The following EFNA3 variants were observed in gnomAD, a reference collection of about 807,000 sequenced individuals.
The protein encoded by EFNA3 is ephrin A3.
In EFNA3, 15 loss-of-function variants were observed where a neutral mutation model predicts 25.0. The observed-to-expected ratio is 0.60, with a 90% confidence interval of 0.40 to 0.92. EFNA3 has a LOEUF of 0.92. Among genes scored for constraint, EFNA3 ranks in the 40% least tolerant of loss-of-function variants. EFNA3 has a pLI of 0.00. For synonymous variants in EFNA3, 153 were observed against 145.6 expected, an observed-to-expected ratio of 1.05 and a Z score of -0.37; for missense variants, 298 against 323.8, an observed-to-expected ratio of 0.92 and a Z score of 0.61.
At position 155,086,551 on chromosome 1, in the gene EFNA3, C is replaced by T; in HGVS notation, c.*8C>T. 3 of 1,604,624 alleles carry T rather than the reference C, an allele frequency of 1.9e-6. No homozygotes were observed. Among genetic ancestry groups the T allele is most frequent in the South Asian group, 2.2e-5 (2 of 90,990 alleles). ...ACGTTCTTGGCCTCCTAGCTCTGCCCCCTCCCCTGGGGGGGGAGAGATGGG... is the reference window on the plus strand; with the variant it reads ...ACGTTCTTGGCCTCCTAGCTCTGCCTCCTCCCCTGGGGGGGGAGAGATGGG... On this transcript the variant is annotated 3_prime_UTR_variant, in exon 5 of 5. Coordinates refer to ENST00000368408, the MANE Select transcript of EFNA3 (RefSeq NM_004952.5).
In EFNA3 at chr1:155,079,990, G is replaced by T. The variant is rs2102450794; in HGVS notation, c.128+921G>T. On this transcript the variant is annotated intron_variant, in intron 1 of 4. Coordinates refer to ENST00000368408, the MANE Select transcript of EFNA3 (RefSeq NM_004952.5). The surrounding 1 kb of genome is among the most constrained non-coding windows in gnomAD (Gnocchi z 7.7). ...CCCGGGGTGTGTGGCGCGGTGGCCG[G>T]GTGCTGGCTGCGGGGCCGGGTCCTC... 6.6e-6 allele frequency among the ~76,000 whole-genome samples: 1 copy of T among 152,130 alleles called. No individual in the cohort carries two copies. Among genetic ancestry groups the T allele is most frequent in the African/African-American group, 2.4e-5 (1 of 41,486 alleles).
intron 3 of EFNA3, 25 bp from the exon 4 acceptor site, chr1:155,086,103 T>TCCCCACCCCCCCCCCCCCCCCC: frequency 6.3e-7 from 1 of 1,577,736 alleles, no homozygotes; most frequent in Non-Finnish European, 8.7e-7. Context: ...CCCTCCTCTC[T>TCCCCACCCCCCCCCCCCCCCCC]CCCCACCCGC....
At position 155,086,261 on chromosome 1, in the gene EFNA3, C is replaced by A. The variant is rs1056017681; in HGVS notation, c.586+56C>A. 19 of 1,598,760 alleles carry A rather than the reference C, an allele frequency of 1.2e-5. No individual in the cohort carries two copies. The African/African-American group carries it at 2.1e-4, about 18-fold the overall frequency. On this transcript the variant is annotated intron_variant, in intron 4 of 4. Coordinates refer to ENST00000368408, the MANE Select transcript of EFNA3 (RefSeq NM_004952.5). ...CTGCTGGAACCGCAGCCCCCCGCCCCGGTGCCTGCTCACCTCGCATGCCTT... is the reference window on the plus strand; with the variant it reads ...CTGCTGGAACCGCAGCCCCCCGCCCAGGTGCCTGCTCACCTCGCATGCCTT...
At position 155,085,561 on chromosome 1, in the gene EFNA3, G is replaced by T; in HGVS notation, c.442+157G>T. The T allele has an allele frequency of 1.1e-6, 1 of 946,892 alleles. No homozygotes were observed. The highest frequency in any genetic ancestry group is 1.5e-6 in the Non-Finnish European group (1 of 652,546). The allele number at this position is 946,892 out of a possible 1,614,324, so 58.7% of individuals were successfully genotyped here. A position where few individuals can be genotyped will look rare whatever the true frequency, so the allele number is the denominator to read the frequency against. Reference sequence around the variant, plus strand: ...GGCGTGGGCACGGGACGCCTGAGGGGTTCAGCTCAGACGAGGTCGTGGGGC... The same window carrying T: ...GGCGTGGGCACGGGACGCCTGAGGGTTTCAGCTCAGACGAGGTCGTGGGGC... On this transcript the variant is annotated intron_variant, in intron 2 of 4. Transcript: ENST00000368408. The surrounding 1 kb of genome is among the most constrained non-coding windows in gnomAD (Gnocchi z 4.4).
chr1:155,085,974 A>G lies in EFNA3; in HGVS notation c.508+32A>G, dbSNP rs1168638548. Reference sequence around the variant, plus strand: ...AGAATAGGCTCCGAGCCGCGCCCCCATCCTCAGCTCCCTGCTTTGGGGCTC... The same window carrying G: ...AGAATAGGCTCCGAGCCGCGCCCCCGTCCTCAGCTCCCTGCTTTGGGGCTC... On this transcript the variant is annotated intron_variant, in intron 3 of 4. Coordinates refer to ENST00000368408, the MANE Select transcript of EFNA3 (RefSeq NM_004952.5). This position sits in a 1 kb window ranked among gnomAD's most constrained non-coding sequence, Gnocchi z 4.4. The G allele has an allele frequency of 1.3e-6, 2 of 1,593,132 alleles. No homozygotes were observed. Among genetic ancestry groups the G allele is most frequent in the African/African-American group, 1.4e-5 (1 of 74,070 alleles).
At chr1:155,082,394 C>A (rs1255473314) in intron 1 of EFNA3, among the ~76,000 whole-genome samples, 1 of 152,218 alleles carries the variant, frequency 6.6e-6, no homozygotes, top group Non-Finnish European at 1.5e-5. Context: ...TGTTGGACAC[C>A]CTGTTTACCT....
chr1:155,085,077 C>G lies in EFNA3; in HGVS notation c.129-14C>G, dbSNP rs202058223. The G allele has an allele frequency of 2.5e-6, 4 of 1,612,608 alleles. No homozygotes were observed. Among genetic ancestry groups the G allele is most frequent in the Admixed American group, 1.7e-5 (1 of 59,676 alleles). The stretch of plus-strand genomic sequence containing the variant: ...GGGGTTTCTTCTCTCTGAGCCGCTT[C>G]CTCTTCCCCACAGCCTGCGGCGAGA... On this transcript the variant is annotated splice_polypyrimidine_tract_variant and intron_variant, in intron 1 of 4. Coordinates refer to ENST00000368408, the MANE Select transcript of EFNA3 (RefSeq NM_004952.5). The surrounding 1 kb of genome is among the most constrained non-coding windows in gnomAD (Gnocchi z 4.4).
rs1663332567 is a variant in EFNA3, at chr1:155,081,000, C to G, written c.128+1931C>G. Among the ~76,000 whole-genome samples the G allele has an allele frequency of 6.6e-6, 1 of 152,126 alleles. No homozygotes were observed. Among genetic ancestry groups the G allele is most frequent in the Non-Finnish European group, 1.5e-5 (1 of 67,998 alleles). On this transcript the variant is annotated intron_variant, in intron 1 of 4. Transcript: ENST00000368408. The surrounding 1 kb of genome is among the most constrained non-coding windows in gnomAD (Gnocchi z 7.0). The stretch of plus-strand genomic sequence containing the variant: ...CCGGGGAGCTGGGGGCGGGGCCGAC[C>G]GAGCCACAGGCTCCCGCGCCCCCTC...
At position 155,080,778 on chromosome 1, in the gene EFNA3, T is replaced by A. The variant is rs1663328161; in HGVS notation, c.128+1709T>A. ...CCGGGTTCCGGGAGCCTCCTTTCTG[T>A]CCTCTCTACTCCGTGCGGGCCTGGG... On this transcript the variant is annotated intron_variant, in intron 1 of 4. Transcript: ENST00000368408. This position sits in a 1 kb window ranked among gnomAD's most constrained non-coding sequence, Gnocchi z 7.0. Among the ~76,000 whole-genome samples the A allele has an allele frequency of 6.6e-6, 1 of 152,048 alleles. No homozygotes were observed. Among genetic ancestry groups the A allele is most frequent in the East Asian group, 1.9e-4 (1 of 5,164 alleles).
chr1:155,086,011 TG>T (rs1477942665), intron 3 of EFNA3, 69 bp downstream of exon 3: 2 of 1,572,738 alleles, frequency 1.3e-6, no homozygotes, highest in African/African-American at 2.7e-5. Flanking sequence ...CCTGGCTTCC[TG>T]GGGGTGGGGG....
In EFNA3 at chr1:155,085,971, C is replaced by G; in HGVS notation, c.508+29C>G. On this transcript the variant is annotated intron_variant, in intron 3 of 4. Transcript: ENST00000368408. The surrounding 1 kb of genome is among the most constrained non-coding windows in gnomAD (Gnocchi z 4.4). Reference sequence around the variant, plus strand: ...AGTAGAATAGGCTCCGAGCCGCGCCCCCATCCTCAGCTCCCTGCTTTGGGG... The same window carrying G: ...AGTAGAATAGGCTCCGAGCCGCGCCGCCATCCTCAGCTCCCTGCTTTGGGG... The G allele has an allele frequency of 6.3e-7, 1 of 1,594,598 alleles. No homozygotes were observed. The highest frequency in any genetic ancestry group is 8.5e-7 in the Non-Finnish European group (1 of 1,171,050).
chr1:155,084,921 G>C (rs974151370), intron 1 of EFNA3, among the ~76,000 whole-genome samples, 170 bp from the exon 2 acceptor site: 3 of 152,250 alleles, frequency 2.0e-5, no homozygotes, highest in Non-Finnish European at 2.9e-5. Context: ...AGACTTAGGG[G>C]AGCGGCGGCA....
Position 155,079,122 on chromosome 1 carries a change from C to A in EFNA3, c.128+53C>A. On this transcript the variant is annotated intron_variant, in intron 1 of 4. Transcript: ENST00000368408. The surrounding 1 kb of genome is among the most constrained non-coding windows in gnomAD (Gnocchi z 7.7). ...CGTCCCGTCTCAGTGAGAGGGGGAG[C>A]CGGTGGGCCCGAGAAGTCCTGGGGG... The A allele has an allele frequency of 7.8e-7, 1 of 1,287,850 alleles. No individual in the cohort carries two copies. Among genetic ancestry groups the A allele is most frequent in the Non-Finnish European group, 9.9e-7 (1 of 1,009,932 alleles). 79.8% of individuals were successfully genotyped at this position (1,287,850 alleles called of 1,614,324 possible).
intron 4 of EFNA3, 45 bp from the exon 5 acceptor site, chr1:155,086,368 C>T: frequency 3.1e-6 from 5 of 1,607,734 alleles, no homozygotes; most frequent in Non-Finnish European, 4.3e-6. Flanking sequence ...CCTGCCCTGG[C>T]GCGCAACCCA....
rs912691400 is a variant in EFNA3, at chr1:155,079,265, A to C, written c.128+196A>C. On this transcript the variant is annotated intron_variant, in intron 1 of 4. Coordinates refer to ENST00000368408, the MANE Select transcript of EFNA3 (RefSeq NM_004952.5). The surrounding 1 kb of genome is among the most constrained non-coding windows in gnomAD (Gnocchi z 7.7). ...GTGTCTGAAGAGGCTGTTGGGCTAT[A>C]GTAAGGAGCGCTCGGGCCGTGTGGA... Among the ~76,000 whole-genome samples the C allele has an allele frequency of 1.3e-5, 2 of 152,020 alleles. No homozygotes were observed. The highest frequency in any genetic ancestry group is 2.9e-5 in the Non-Finnish European group (2 of 67,980).
At position 155,086,673 on chromosome 1, in the gene EFNA3, A is replaced by G. The variant is rs1313125468; in HGVS notation, c.*130A>G. On this transcript the variant is annotated 3_prime_UTR_variant, in exon 5 of 5. Coordinates refer to ENST00000368408, the MANE Select transcript of EFNA3 (RefSeq NM_004952.5). Reference sequence around the variant, plus strand: ...CATGGCTAGAAGTGGGGCCTGCACCATACATCTGTGTCCGCCCCCTCTACC... The same window carrying G: ...CATGGCTAGAAGTGGGGCCTGCACCGTACATCTGTGTCCGCCCCCTCTACC... 9 of 1,202,034 alleles carry G rather than the reference A, an allele frequency of 7.5e-6. No individual in the cohort carries two copies. Among genetic ancestry groups the G allele is most frequent in the Admixed American group, 2.5e-5 (1 of 39,946 alleles). 74.5% of individuals were successfully genotyped at this position (1,202,034 alleles called of 1,614,324 possible).
chr1:155,082,554 G>A (rs1663362324), intron 1 of EFNA3, among the ~76,000 whole-genome samples: 2 of 152,200 alleles, frequency 1.3e-5, no homozygotes, highest in South Asian at 4.1e-4. Context: ...CGCCTCAGAG[G>A]CTGTGAGAGC....
At position 155,078,845 on chromosome 1, in the gene EFNA3, G is replaced by C. The variant is rs912692845; in HGVS notation, c.-97G>C. 4 of 1,292,228 alleles carry C rather than the reference G, an allele frequency of 3.1e-6. No homozygotes were observed. The highest frequency in any genetic ancestry group is 3.9e-6 in the Non-Finnish European group (4 of 1,022,776). The allele number at this position is 1,292,228 out of a possible 1,614,324, so 80.0% of individuals were successfully genotyped here. On this transcript the variant is annotated 5_prime_UTR_variant, in exon 1 of 5. Transcript: ENST00000368408. ...GGAAGGGCTGGGGGCGTGGCCTAAG[G>C]CTGGGGGCCGACGGCGGCGGCAGCA...
intron 4 of EFNA3, 70 bp from the exon 5 acceptor site, chr1:155,086,343 C>T: frequency 1.9e-6 from 3 of 1,593,686 alleles, no homozygotes; most frequent in South Asian, 2.2e-5. Flanking sequence ...GGCTCCATTG[C>T]TGCTGCCGCG....
Sources: allele counts gnomAD v4.1 joint callset (sites outside exome capture counted in the v4.1 genomes callset), GRCh38; gene constraint gnomAD v4.1.1; non-coding constraint Gnocchi (gnomAD v3.1); transcripts MANE v1.5; gene names NCBI Gene and HGNC (gene_info 2026-07-23, HGNC 2026-07-21).